Variants in ZBTB44 observed in about 807,000 individuals in gnomAD.
The protein encoded by ZBTB44 is zinc finger and BTB domain containing 44.
In ZBTB44, 15 loss-of-function variants were observed where a neutral mutation model predicts 54.0. That is an observed-to-expected ratio of 0.28 (90% CI 0.19 to 0.43). The LOEUF is 0.43. Among genes scored for constraint, ZBTB44 ranks in the 20% least tolerant of loss-of-function variants. The probability of loss-of-function intolerance (pLI) is 1.00; values close to 1 mark genes in which losing one functional copy is unlikely to be tolerated. For missense variants in ZBTB44, 487 were observed against 707.1 expected, an observed-to-expected ratio of 0.69 and a Z score of 3.53; for synonymous variants, 230 against 250.1, an observed-to-expected ratio of 0.92 and a Z score of 0.76.
chr11:130,289,696 G>A (rs981262950), intron 1 of ZBTB44, among the ~76,000 whole-genome samples: 8 of 152,098 alleles, frequency 5.3e-5, no homozygotes, highest in African/African-American at 1.9e-4. Context: ...TGTTACCATA[G>A]GAGAGCCAGC....
intron 1 of ZBTB44, among the ~76,000 whole-genome samples, chr11:130,301,242 G>A (rs903185616): frequency 1.3e-5 from 2 of 152,212 alleles, no homozygotes; most frequent in Non-Finnish European, 2.9e-5. Context: ...GTGGCGTGGT[G>A]AGAAGTAGCT....
intron 1 of ZBTB44, among the ~76,000 whole-genome samples, chr11:130,272,733 T>G (rs1159485882): frequency 6.6e-6 from 1 of 150,614 alleles, no homozygotes; most frequent in Non-Finnish European, 1.5e-5. Flanking sequence ...GCCTTTAACC[T>G]ATTTTGAGTT....
Position 130,309,614 on chromosome 11 carries a change from C to T in ZBTB44, c.-57+4761G>A, listed in dbSNP as rs185743024. Among the ~76,000 whole-genome samples the T allele has an allele frequency of 2.6e-5, 4 of 152,198 alleles. No individual in the cohort carries two copies. In the East Asian group the frequency reaches 7.7e-4, roughly 29 times the overall value. ...GTCACCTGGGCGCAGTGGCTCACGTCTGTAATTCCAGCACTTTAGGAGGCC... is the reference window on the plus strand; with the variant it reads ...GTCACCTGGGCGCAGTGGCTCACGTTTGTAATTCCAGCACTTTAGGAGGCC... On this transcript the variant is annotated intron_variant, in intron 1 of 7. Transcript: ENST00000357899.
At chr11:130,305,829 AT>A (rs2134492112) in intron 1 of ZBTB44, among the ~76,000 whole-genome samples, 1 of 152,340 alleles carries the variant, frequency 6.6e-6, no homozygotes, top group Non-Finnish European at 1.5e-5. Context: ...GTGGTAGAAA[AT>A]TTTTGCAAAG....
chr11:130,264,621 G>T (rs1939119444), intron 1 of ZBTB44, among the ~76,000 whole-genome samples: 1 of 152,182 alleles, frequency 6.6e-6, no homozygotes, highest in African/African-American at 2.4e-5. Flanking sequence ...GATATACTTA[G>T]AAGTATGGGA....
intron 1 of ZBTB44, among the ~76,000 whole-genome samples, chr11:130,289,348 TG>T (rs1393711350): frequency 6.6e-6 from 1 of 152,034 alleles, no homozygotes. Context: ...TCAGGCACAG[TG>T]GCGCATGCCT....
At chr11:130,243,978 T>C (rs1468081815) in intron 2 of ZBTB44, among the ~76,000 whole-genome samples, 1 of 152,130 alleles carries the variant, frequency 6.6e-6, no homozygotes. Context: ...TTACAACTTT[T>C]ACACACTCTG....
At chr11:130,241,504 T>A (rs998619733) in intron 2 of ZBTB44, among the ~76,000 whole-genome samples, 9 of 152,322 alleles carry the variant, frequency 5.9e-5, no homozygotes, top group Admixed American at 1.3e-4. Flanking sequence ...GTGAATCTAG[T>A]GTCACATATT....
intron 1 of ZBTB44, among the ~76,000 whole-genome samples, chr11:130,309,104 C>T (rs1247002953): frequency 1.3e-5 from 2 of 152,210 alleles, no homozygotes; most frequent in East Asian, 3.8e-4. Flanking sequence ...GCACATAGCC[C>T]TCTCTGCAGC....
Position 130,260,965 on chromosome 11 carries a change from C to T in ZBTB44, c.909G>A (p.Val303=). The change falls in exon 2 of 8, where the codon GTG becomes GTA. Residue 303 remains valine (V), a synonymous_variant. Coordinates refer to ENST00000357899, the MANE Select transcript of ZBTB44 (RefSeq NM_001301098.2). ...RLSDEEVHEE[V]SQPVSASQSS... is the part of the protein sequence containing the mutation. ...TCTGAGATGCACTGACAGGCTGGGACACTTCCTCATGGACCTCCTCATCAC... is the reference window on the plus strand; with the variant it reads ...TCTGAGATGCACTGACAGGCTGGGATACTTCCTCATGGACCTCCTCATCAC... The T allele has an allele frequency of 1.2e-6, 2 of 1,613,986 alleles. No homozygotes were observed. Among genetic ancestry groups the T allele is most frequent in the Non-Finnish European group, 1.7e-6 (2 of 1,179,884 alleles).
intron 1 of ZBTB44, among the ~76,000 whole-genome samples, chr11:130,276,398 T>C (rs994314252): frequency 2.0e-5 from 3 of 151,890 alleles, no homozygotes; most frequent in Non-Finnish European, 4.4e-5. Context: ...TAGCGTCTAT[T>C]TACTTGTTGA....
chr11:130,260,841 CAG>C lies in ZBTB44; in HGVS notation c.1018+13_1018+14del, dbSNP rs1565658951. 6.4e-7 allele frequency: 1 copy of C among 1,573,356 alleles called. No individual in the cohort carries two copies. The highest frequency in any genetic ancestry group is 1.9e-5 in the Admixed American group (1 of 51,762). On this transcript the variant is annotated intron_variant, in intron 2 of 7. Transcript: ENST00000357899. ...TGACTTTATAGCACCAAGAAAAACA[CAG>C]AAGGCATTATACCTATAGAGGAAGA...
intron 1 of ZBTB44, among the ~76,000 whole-genome samples, chr11:130,292,514 A>C (rs1263531257): frequency 2.6e-5 from 4 of 152,200 alleles, no homozygotes; most frequent in Non-Finnish European, 5.9e-5. Flanking sequence ...CATAAGAAAA[A>C]AATTAAAAAT....
intron 1 of ZBTB44, among the ~76,000 whole-genome samples, chr11:130,302,696 G>C (rs1007572348): frequency 6.6e-6 from 1 of 152,204 alleles, no homozygotes; most frequent in Non-Finnish European, 1.5e-5. Flanking sequence ...AATGAGGGCC[G>C]GGCGTGATGG....
Position 130,229,648 on chromosome 11 carries a change from CAT to C in ZBTB44, c.*2114_*2115del, listed in dbSNP as rs1418578162. On this transcript the variant is annotated 3_prime_UTR_variant, in exon 8 of 8. Coordinates refer to ENST00000357899, the MANE Select transcript of ZBTB44 (RefSeq NM_001301098.2). Reference sequence around the variant, plus strand: ...GAGTATGCTTAGTTTTAATATTCCTCATAGACATGTTTGCCACAACAGAGCTT... The same window carrying C: ...GAGTATGCTTAGTTTTAATATTCCTCAGACATGTTTGCCACAACAGAGCTT... The C allele has an allele frequency of 1.3e-5, 2 of 152,150 alleles. No homozygotes were observed. Among genetic ancestry groups the C allele is most frequent in the African/African-American group, 4.8e-5 (2 of 41,452 alleles). 9.4% of individuals were successfully genotyped at this position (152,150 alleles called of 1,614,324 possible).
intron 2 of ZBTB44, among the ~76,000 whole-genome samples, chr11:130,257,838 C>A (rs116878930): frequency 6.6e-6 from 1 of 152,160 alleles, no homozygotes; most frequent in Non-Finnish European, 1.5e-5. Flanking sequence ...TATAGGTATT[C>A]CCCAAGGTAT....
chr11:130,309,251 T>C (rs1942448561), intron 1 of ZBTB44, among the ~76,000 whole-genome samples: 1 of 152,224 alleles, frequency 6.6e-6, no homozygotes, highest in Non-Finnish European at 1.5e-5. Flanking sequence ...TCTGCCCTTC[T>C]TTACCTACAA....
chr11:130,245,183 G>A (rs1443307132), intron 2 of ZBTB44, among the ~76,000 whole-genome samples: 1 of 152,162 alleles, frequency 6.6e-6, no homozygotes, highest in African/African-American at 2.4e-5. Context: ...TCTGGTGTAT[G>A]TGTAGCATTT....
intron 1 of ZBTB44, among the ~76,000 whole-genome samples, chr11:130,274,933 C>T (rs568132875): frequency 2.5e-4 from 38 of 152,232 alleles, no homozygotes; most frequent in Middle Eastern, 6.8e-3. Flanking sequence ...TGTAAAGAAT[C>T]GGTATTAGTT....
Sources: allele counts gnomAD v4.1 joint callset (sites outside exome capture counted in the v4.1 genomes callset), GRCh38; gene constraint gnomAD v4.1.1; transcripts MANE v1.5; gene names NCBI Gene and HGNC (gene_info 2026-07-23, HGNC 2026-07-21).